DST: variants seen among roughly 807,000 people sequenced by gnomAD.
DST encodes the protein dystonin.
In DST, 253 loss-of-function variants were observed where a neutral mutation model predicts 875.2. That is an observed-to-expected ratio of 0.29 (90% CI 0.26 to 0.32). The LOEUF is 0.32. Ranked by LOEUF, DST falls within the 10% of genes least tolerant of loss-of-function variation. The probability of loss-of-function intolerance (pLI) is 1.00; values close to 1 mark genes in which losing one functional copy is unlikely to be tolerated. For synonymous variants in DST, 3,124 were observed against 3,197.1 expected (o/e 0.98, Z 0.77); for missense variants, 8,287 against 9,111.6 (o/e 0.91, Z 3.68).
Position 56,515,451 on chromosome 6 carries a change from C to T in DST, c.18575G>A (p.Arg6192Gln). The change falls in exon 72 of 104, where the codon CGG (arginine) becomes CAG (glutamine). Residue 6192 changes from arginine (R) to glutamine (Q), a missense_variant and splice_region_variant. Arg to Gln is a conservative substitution (Grantham distance 43, BLOSUM62 1). This residue lies in a region of DST where 1,292 missense variants were observed against 1,552.7 expected (regional missense o/e 0.83). Transcript: ENST00000680361. ...TATTCTCTTTCACACCAGGCTTACC[C>T]GATGTTCTTCCTGCTGCTGCCTTAG... ...ETLRQQQEEH[R>Q]QLRELIAEHK... The T allele has an allele frequency of 1.9e-6, 3 of 1,613,634 alleles. No individual in the cohort carries two copies. The highest frequency in any genetic ancestry group is 1.1e-5 in the South Asian group (1 of 91,044).
intron 4 of DST, among the ~76,000 whole-genome samples, chr6:56,745,428 T>C (rs1164387717): frequency 6.6e-6 from 1 of 152,170 alleles, no homozygotes; most frequent in East Asian, 1.9e-4. Flanking sequence ...AACACACAGC[T>C]ACAGTAAAAT....
chr6:56,873,217 T>C (rs570939949), intron 3 of DST, among the ~76,000 whole-genome samples: 1 of 152,266 alleles, frequency 6.6e-6, no homozygotes, highest in Non-Finnish European at 1.5e-5. Flanking sequence ...TTGAGTTGTT[T>C]GAGTTCCTCA....
At chr6:56,529,161 G>C (rs2096853439) in intron 66 of DST, among the ~76,000 whole-genome samples, 1 of 152,138 alleles carries the variant, frequency 6.6e-6, no homozygotes, top group Non-Finnish European at 1.5e-5. Context: ...AAAATACTTA[G>C]GGCCCTATGA....
Position 56,609,087 on chromosome 6 carries a change from A to G in DST, c.5541T>C (p.Ala1847=). The change falls in exon 40 of 104, where the codon GCT becomes GCC. Residue 1847 remains alanine (A), a synonymous_variant. Transcript: ENST00000680361. ...GTACTGGAATTGTGGTAGGTGACGC[A>G]GCAGAAATAATCTCCTTAGCTTTAC... ...ELSKAKEIIS[A]ASPTTIPVLD... The G allele has an allele frequency of 6.2e-7, 1 of 1,613,898 alleles. No homozygotes were observed. The highest frequency in any genetic ancestry group is 8.5e-7 in the Non-Finnish European group (1 of 1,179,812).
intron 5 of DST, among the ~76,000 whole-genome samples, chr6:56,712,107 T>G (rs1169640258): frequency 2.2e-5 from 3 of 137,900 alleles, no homozygotes; most frequent in Non-Finnish European, 3.2e-5. Context: ...AAAAAAAAAA[T>G]AGGAGGAGGT....
Position 56,527,520 on chromosome 6 carries a change from T to C in DST, c.17895A>G (p.Glu5965=). The C allele has an allele frequency of 6.2e-7, 1 of 1,613,662 alleles. No homozygotes were observed. The highest frequency in any genetic ancestry group is 8.5e-7 in the Non-Finnish European group (1 of 1,179,758). ...TTGGTCTCATTTGTGCTTGACTTGC[T>C]TCTTCTCCTTTCAGAACCTGAGTTT... ...SYETQVLKGE[E]ASQAQMRPKE... is the part of the protein sequence containing the mutation. The change falls in exon 68 of 104, where the codon GAA becomes GAG. Residue 5965 remains glutamate, a synonymous_variant. Coordinates refer to ENST00000680361, the MANE Select transcript of DST (RefSeq NM_001374736.1).
rs939034822 is a variant in DST at position 56,645,960 on chromosome 6, G to C, written c.1684C>G (p.Gln562Glu). Residue 562 changes from glutamine to glutamate, a missense_variant, in exon 15 of 104, where the codon CAA becomes GAA. Around this residue, in one of 10 missense-constraint regions of DST, gnomAD observed 1,160 missense variants for 1,424.3 expected, o/e 0.81. Coordinates refer to ENST00000680361, the MANE Select transcript of DST (RefSeq NM_001374736.1). ...WIEFGRIKLL[Q>E]GYHPNDIEKE... ...TCTATGTCATTTGGATGATAACCTT[G>C]AAGGAGCTTGATGCGTCCAAATTCT... 1.1e-5 allele frequency: 17 copies of C among 1,613,542 alleles called. No individual in the cohort carries two copies. The African/African-American group carries it at 1.7e-4, about 16-fold the overall frequency.
chr6:56,476,334 G>T lies in DST; in HGVS notation c.21679C>A (p.Leu7227Met). The T allele has an allele frequency of 6.4e-7, 1 of 1,564,402 alleles. No homozygotes were observed. The highest frequency in any genetic ancestry group is 8.7e-7 in the Non-Finnish European group (1 of 1,155,712). The part of the protein sequence containing the change: ...TIIRARFEEV[L>M]AWAKQHQQRL... The stretch of plus-strand genomic sequence containing the variant: ...TGCTGATGTTGCTTTGCCCAGGCCA[G>T]CACCTGTCAGAGAAACAGAAATTTC... The change falls in exon 92 of 104, where the codon CTG becomes ATG. Residue 7227 changes from leucine to methionine, a missense_variant. Leu to Met is a conservative substitution (Grantham distance 15). Transcript: ENST00000680361.
chr6:56,622,816 T>A (rs1026091570), intron 36 of DST, among the ~76,000 whole-genome samples: 3 of 152,190 alleles, frequency 2.0e-5, no homozygotes, highest in Non-Finnish European at 2.9e-5. Context: ...CTCTCTAATA[T>A]CTAATATCTA....
At chr6:56,476,699 G>C (rs1216182887) in intron 91 of DST, among the ~76,000 whole-genome samples, 1 of 152,220 alleles carries the variant, frequency 6.6e-6, no homozygotes, top group Non-Finnish European at 1.5e-5. Context: ...GCTCACGCCT[G>C]TAATCCCAGC....
chr6:56,661,371 G>A (rs955136176), intron 10 of DST, among the ~76,000 whole-genome samples: 2 of 152,176 alleles, frequency 1.3e-5, no homozygotes, highest in Admixed American at 6.5e-5. Flanking sequence ...GTAAGAGAAT[G>A]CTAAAGGGAA....
rs139798672 is a variant in DST at position 56,853,651 on chromosome 6, A to C, written c.418-2047T>G. On this transcript the variant is annotated intron_variant, in intron 3 of 103. Coordinates refer to ENST00000680361, the MANE Select transcript of DST (RefSeq NM_001374736.1). The stretch of plus-strand genomic sequence containing the variant: ...TGTTAAAGAACTGCTCCTTTCCAAA[A>C]ACCACTGGTTATTGATTTTTGTAGA... 5.7e-4 allele frequency among the ~76,000 whole-genome samples: 87 copies of C among 152,286 alleles called. 1 individual carries two copies. Among genetic ancestry groups the C allele is most frequent in the African/African-American group, 2.0e-3 (84 of 41,554 alleles).
At chr6:56,694,493 C>T (rs1173567062) in intron 9 of DST, among the ~76,000 whole-genome samples, 2 of 152,090 alleles carry the variant, frequency 1.3e-5, no homozygotes, top group African/African-American at 4.8e-5. Context: ...AGAAGAGAAG[C>T]TGGTAAAAAT....
intron 29 of DST, 145 bp downstream of exon 29, chr6:56,631,738 C>A: frequency 2.7e-6 from 2 of 737,938 alleles, no homozygotes; most frequent in South Asian, 3.2e-5. Context: ...AGTTTATAAT[C>A]AGCAATAATT....
intron 60 of DST, among the ~76,000 whole-genome samples, chr6:56,554,065 G>T (rs113594997): frequency 7.3e-6 from 1 of 136,540 alleles, no homozygotes; most frequent in Non-Finnish European, 1.6e-5. Context: ...ACTTTTTCGC[G>T]TCTATGACTT....
intron 4 of DST, among the ~76,000 whole-genome samples, chr6:56,812,328 TA>T (rs928198321): frequency 6.6e-6 from 1 of 151,984 alleles, no homozygotes; most frequent in African/African-American, 2.4e-5. Flanking sequence ...TTCTACTGGC[TA>T]AAAAAAGACA....
At chr6:56,484,327 A>G (rs2095494488) in intron 88 of DST, 1 of 152,096 alleles carries the variant, frequency 6.6e-6, no homozygotes, top group South Asian at 2.1e-4. Flanking sequence ...TTCTTTATTT[A>G]TTCTTTTATT....
At chr6:56,647,827 A>G (rs540341323) in intron 13 of DST, among the ~76,000 whole-genome samples, 185 of 152,102 alleles carry the variant, frequency 1.2e-3, no homozygotes, top group African/African-American at 4.2e-3. Context: ...CTGGGATTAC[A>G]AGTGTGTGCC....
intron 4 of DST, among the ~76,000 whole-genome samples, chr6:56,838,647 A>G (rs1263920750): frequency 6.6e-6 from 1 of 152,234 alleles, no homozygotes; most frequent in Non-Finnish European, 1.5e-5. Context: ...CTCTCTAAGA[A>G]CAAAAGAAAC....
Sources: gnomAD v4.1 joint callset for allele counts (sites outside exome capture counted in the v4.1 genomes callset) on GRCh38, gnomAD v4.1.1 for gene constraint, gnomAD v4.1.1 regional missense constraint, MANE v1.5 for transcripts, NCBI Gene and HGNC (gene_info 2026-07-23, HGNC 2026-07-21) for gene names.